Variants in SLC20A2 observed in about 807,000 individuals in gnomAD.
SLC20A2 encodes sodium-dependent phosphate transporter 2.
A neutral mutation model predicts 61.0 loss-of-function variants in SLC20A2; 30 were observed. The observed-to-expected ratio is 0.49, with a 90% CI of 0.37 to 0.67. The LOEUF (loss-of-function observed/expected upper bound fraction) is 0.67. Among genes scored for constraint, SLC20A2 ranks in the 30% least tolerant of loss-of-function variants. The pLI, the probability that SLC20A2 is intolerant of heterozygous loss-of-function variation, is 0.00. For synonymous variants in SLC20A2, 351 were observed against 353.3 expected, an observed-to-expected ratio of 0.99 and a Z score of 0.07; for missense variants, 626 against 866.4, an observed-to-expected ratio of 0.72 and a Z score of 3.48.
At chr8:42,422,559 G>GT (rs532805261) in intron 10 of SLC20A2, among the ~76,000 whole-genome samples, 25 of 151,210 alleles carry the variant, frequency 1.7e-4, no homozygotes, top group South Asian at 4.2e-4. Context: ...TGAGAGCTGG[G>GT]TTTTTTTTTG....
chr8:42,533,742 C>A (rs1435647591), intron 1 of SLC20A2, among the ~76,000 whole-genome samples: 2 of 145,258 alleles, frequency 1.4e-5, no homozygotes, highest in Non-Finnish European at 3.0e-5. Context: ...TCCCTGCAAC[C>A]TCCACCTCCC....
Position 42,495,898 on chromosome 8 carries a change from C to T in SLC20A2, c.-265+5133G>A, listed in dbSNP as rs1027267349. The stretch of plus-strand genomic sequence containing the variant: ...CCAAGTAGCTGGGATTACAGGCGTG[C>T]GCCACCACGCCCGGCTAATTTTTGT... On this transcript the variant is annotated intron_variant, in intron 1 of 10. Transcript: ENST00000520262. Among the ~76,000 whole-genome samples the T allele has an allele frequency of 1.8e-4, 27 of 152,000 alleles. No homozygotes were observed. The South Asian group carries it at 1.9e-3, about 11-fold the overall frequency.
intron 1 of SLC20A2, among the ~76,000 whole-genome samples, chr8:42,523,587 C>T (rs1432542437): frequency 6.6e-6 from 1 of 152,156 alleles, no homozygotes; most frequent in East Asian, 1.9e-4. Flanking sequence ...CATCAACAGT[C>T]AAGTAATCCA....
chr8:42,458,940 A>ACCC (rs765231520), intron 5 of SLC20A2, among the ~76,000 whole-genome samples: 2,927 of 103,864 alleles, frequency 0.028, 224 homozygotes, highest in African/African-American at 0.11. Flanking sequence ...ATAATTTTTA[A>ACCC]CCCCCCCCCC....
intron 1 of SLC20A2, among the ~76,000 whole-genome samples, chr8:42,476,584 G>T (rs189427620): frequency 8.5e-5 from 13 of 152,206 alleles, no homozygotes; most frequent in African/African-American, 3.1e-4. Context: ...GTTTTGCTTG[G>T]GGACGTTGTT....
intron 7 of SLC20A2, 142 bp downstream of exon 7, chr8:42,439,308 G>T: frequency 1.3e-6 from 1 of 743,418 alleles, no homozygotes; most frequent in South Asian, 1.9e-5. Flanking sequence ...GGCCTCCCTA[G>T]CTTCTGGGTT....
intron 1 of SLC20A2, among the ~76,000 whole-genome samples, chr8:42,489,862 G>A (rs1009866514): frequency 1.3e-5 from 2 of 152,106 alleles, no homozygotes; most frequent in Non-Finnish European, 2.9e-5. Context: ...TGAATAAAGG[G>A]GCAGCTCAAG....
intron 1 of SLC20A2, among the ~76,000 whole-genome samples, chr8:42,526,546 ACCTGTAGT>A (rs1340848459): frequency 4.0e-5 from 6 of 151,564 alleles, no homozygotes; most frequent in Non-Finnish European, 5.9e-5. Context: ...GGTGGTGGGC[ACCTGTAGT>A]CTCAGCTACT....
chr8:42,505,109 CTTT>C (rs11295337), upstream of SLC20A2, among the ~76,000 whole-genome samples: 3 of 142,674 alleles, frequency 2.1e-5, no homozygotes, highest in Non-Finnish European at 3.0e-5. Flanking sequence ...CCCCCCCAAC[CTTT>C]TTTTTTTTTT....
chr8:42,541,806 G>C (rs890863129), intron 1 of SLC20A2: 5 of 150,484 alleles, frequency 3.3e-5, no homozygotes, highest in African/African-American at 4.9e-5. Context: ...GGGGGTAAGG[G>C]GGGTGGCCGC....
At chr8:42,462,934 A>G in intron 4 of SLC20A2, 71 bp downstream of exon 4, 1 of 838,802 alleles carries the variant, frequency 1.2e-6, no homozygotes, top group Non-Finnish European at 1.9e-6. Flanking sequence ...AACCCCTCTC[A>G]TTATTAATTT....
intron 1 of SLC20A2, among the ~76,000 whole-genome samples, chr8:42,509,837 CAA>C (rs1810933146): frequency 6.6e-6 from 1 of 152,056 alleles, no homozygotes; most frequent in African/African-American, 2.4e-5. Flanking sequence ...AGCTTCAAAA[CAA>C]AAGAGCACTA....
chr8:42,520,008 C>CTT (rs557576151), intron 1 of SLC20A2, among the ~76,000 whole-genome samples: 45,416 of 102,468 alleles, frequency 0.44, 10,652 homozygotes, highest in Non-Finnish European at 0.49. Flanking sequence ...TTATGCTAAT[C>CTT]TTTTTTTTTT....
At chr8:42,514,828 A>G (rs1811237907) in intron 1 of SLC20A2, among the ~76,000 whole-genome samples, 1 of 152,090 alleles carries the variant, frequency 6.6e-6, no homozygotes, top group Non-Finnish European at 1.5e-5. Context: ...CGTACATGTA[A>G]TTTCTGGGGC....
At chr8:42,531,328 C>T (rs1441354808) in intron 1 of SLC20A2, among the ~76,000 whole-genome samples, 1 of 152,034 alleles carries the variant, frequency 6.6e-6, no homozygotes, top group African/African-American at 2.4e-5. Flanking sequence ...TCTAAGATAC[C>T]CAAACAACCA....
intron 6 of SLC20A2, among the ~76,000 whole-genome samples, chr8:42,440,314 C>G (rs1408129604): frequency 6.6e-6 from 1 of 152,084 alleles, no homozygotes; most frequent in Admixed American, 6.6e-5. Context: ...TTTTCTTAAA[C>G]TAACCTCAGA....
rs750573676 is a variant in SLC20A2, at chr8:42,417,976, G to A, written c.1795-9C>T. The A allele has an allele frequency of 8.7e-6, 14 of 1,610,804 alleles. No individual in the cohort carries two copies. The highest frequency in any genetic ancestry group is 1.1e-5 in the Non-Finnish European group (13 of 1,178,786). On this transcript the variant is annotated splice_polypyrimidine_tract_variant and intron_variant, in intron 10 of 10. Coordinates refer to ENST00000520262, the MANE Select transcript of SLC20A2 (RefSeq NM_001257180.2). ...GCCACCACCGAGCCCACCTGTGGGA[G>A]CAGACATTGCAAAGTAAAAACAGGT...
At chr8:42,444,501 A>G in intron 6 of SLC20A2, 145 bp downstream of exon 6, 2 of 655,374 alleles carry the variant, frequency 3.1e-6, no homozygotes, top group East Asian at 5.4e-5. Context: ...GAAAGCACTC[A>G]GGAACGGAGA....
intron 1 of SLC20A2, among the ~76,000 whole-genome samples, chr8:42,533,654 C>CTTTTTTTCTTTTCTTTTT (rs1253260874): frequency 1.8e-5 from 1 of 55,298 alleles, no homozygotes; most frequent in African/African-American, 8.1e-5. Context: ...ATCAACTGTT[C>CTTTTTTTCTTTTCTTTTT]TTTTTTTTTT....
Sources: allele counts gnomAD v4.1 joint callset (sites outside exome capture counted in the v4.1 genomes callset), GRCh38; gene constraint gnomAD v4.1.1; transcripts MANE v1.5; gene names NCBI Gene and HGNC (gene_info 2026-07-23, HGNC 2026-07-21).